PRUNE2: variants seen among roughly 807,000 people sequenced by gnomAD.
PRUNE2 encodes protein prune homolog 2.
In PRUNE2, 164 loss-of-function variants were observed where a neutral mutation model predicts 252.0. The ratio of observed to expected loss-of-function variants is 0.65; its 90% CI spans 0.57 to 0.74. The LOEUF is 0.74. PRUNE2 is among the 30% of genes least tolerant of loss of function. The pLI, the probability that PRUNE2 is intolerant of heterozygous loss-of-function variation, is 0.00. For synonymous variants in PRUNE2, 1,292 were observed against 1,350.2 expected, an observed-to-expected ratio of 0.96 and a Z score of 0.94; for missense variants, 3,495 against 3,711.0, an observed-to-expected ratio of 0.94 and a Z score of 1.51.
intron 6 of PRUNE2, among the ~76,000 whole-genome samples, chr9:76,724,868 T>C (rs1377912531): frequency 6.6e-6 from 1 of 152,178 alleles, no homozygotes; most frequent in Non-Finnish European, 1.5e-5. Context: ...CCTTTTTGTT[T>C]CTGTATGTTT....
chr9:76,754,437 C>A (rs17062967), intron 6 of PRUNE2, among the ~76,000 whole-genome samples: 5,976 of 152,272 alleles, frequency 0.039, 383 homozygotes, highest in African/African-American at 0.13. Flanking sequence ...ATCATCTATC[C>A]ATGAACGTCC....
At chr9:76,626,312 C>A (rs1472254061) in intron 16 of PRUNE2, among the ~76,000 whole-genome samples, 1 of 152,206 alleles carries the variant, frequency 6.6e-6, no homozygotes, top group African/African-American at 2.4e-5. Flanking sequence ...TGATGACAGG[C>A]TCCATCTCAG....
intron 9 of PRUNE2, among the ~76,000 whole-genome samples, chr9:76,670,481 G>A (rs780774186): frequency 0.21 from 31,191 of 150,864 alleles, 3,417 homozygotes; most frequent in Admixed American, 0.28. Flanking sequence ...GGGGAGGGGC[G>A]CCCACCATTG....
intron 4 of PRUNE2, among the ~76,000 whole-genome samples, chr9:76,837,446 A>ATAAT (rs1328116627): frequency 2.5e-3 from 161 of 64,322 alleles, no homozygotes; most frequent in African/African-American, 7.9e-3. Flanking sequence ...GTCTCAAATA[A>ATAAT]TAATAATAAT....
intron 6 of PRUNE2, among the ~76,000 whole-genome samples, chr9:76,745,811 A>G (rs1033937915): frequency 2.6e-5 from 4 of 152,208 alleles, no homozygotes; most frequent in African/African-American, 9.6e-5. Context: ...CAGTCACACT[A>G]TTGCTTCTGT....
chr9:76,727,639 C>G (rs1291559048), intron 6 of PRUNE2, among the ~76,000 whole-genome samples: 4 of 110,386 alleles, frequency 3.6e-5, no homozygotes, highest in Admixed American at 1.8e-4. Context: ...CTTTCTTCTT[C>G]TTCTTCTTTT....
intron 6 of PRUNE2, chr9:76,737,400 G>T (rs1396379897): frequency 6.6e-6 from 1 of 152,222 alleles, no homozygotes; most frequent in Non-Finnish European, 1.5e-5. Flanking sequence ...AGACACCGCT[G>T]CAGGGCAGCA....
intron 6 of PRUNE2, among the ~76,000 whole-genome samples, chr9:76,815,798 G>A (rs1286736160): frequency 6.6e-6 from 1 of 152,094 alleles, no homozygotes; most frequent in Non-Finnish European, 1.5e-5. Context: ...CTGACCAATA[G>A]GTAAAGCAGA....
intron 9 of PRUNE2, among the ~76,000 whole-genome samples, chr9:76,680,108 A>AT (rs2043257252): frequency 6.6e-6 from 1 of 152,224 alleles, no homozygotes; most frequent in Non-Finnish European, 1.5e-5. Context: ...CATATATCTG[A>AT]TAAGGGGTTA....
chr9:76,810,883 T>G (rs2057313001), intron 6 of PRUNE2, among the ~76,000 whole-genome samples: 1 of 152,242 alleles, frequency 6.6e-6, no homozygotes, highest in Admixed American at 6.5e-5. Flanking sequence ...AAGGGAACAA[T>G]TTTCCTCTAG....
chr9:76,704,008 T>A lies in PRUNE2; in HGVS notation c.7605A>T (p.Arg2535Ser), dbSNP rs764767163. Residue 2535 changes from arginine (R) to serine (S), a missense_variant, in exon 9 of 19, where the codon AGA becomes AGT. Arg to Ser is a moderately radical substitution (Grantham distance 110). Transcript: ENST00000376718. ...GACGATCTTCATTCTTCTCTGTACA[T>A]CTTTCTTCCTTGTATTCTGATTTTA... ...EQIKSEYKEE[R>S]CTEKNEDRHA... 2 of 1,613,698 alleles carry A rather than the reference T, an allele frequency of 1.2e-6. No individual in the cohort carries two copies. The highest frequency in any genetic ancestry group is 1.7e-5 in the Admixed American group (1 of 59,986).
chr9:76,895,776 T>TATTA (rs1564524513), intron 1 of PRUNE2, among the ~76,000 whole-genome samples: 1 of 151,926 alleles, frequency 6.6e-6, no homozygotes, highest in African/African-American at 2.4e-5. Context: ...TCTGCCTCTA[T>TATTA]TTTATTTATT....
chr9:76,654,610 G>T (rs1164158629), intron 10 of PRUNE2, among the ~76,000 whole-genome samples: 1 of 152,186 alleles, frequency 6.6e-6, no homozygotes, highest in Non-Finnish European at 1.5e-5. Context: ...AGCCACATGT[G>T]ACTAGCTGCT....
chr9:76,872,600 A>AACAC (rs71354690), intron 1 of PRUNE2, among the ~76,000 whole-genome samples: 13,919 of 139,134 alleles, frequency 0.1, 637 homozygotes, highest in East Asian at 0.13. Flanking sequence ...GATTATGGAA[A>AACAC]ACACACACAC....
At chr9:76,803,883 G>A (rs1047648355) in intron 6 of PRUNE2, among the ~76,000 whole-genome samples, 21 of 152,170 alleles carry the variant, frequency 1.4e-4, no homozygotes, top group African/African-American at 4.6e-4. Flanking sequence ...TGGGTCACCT[G>A]TGGATCTGTC....
chr9:76,780,012 G>A lies in PRUNE2; in HGVS notation c.756+43620C>T, dbSNP rs554964533. The A allele has an allele frequency of 2.6e-5, 4 of 152,244 alleles. No individual in the cohort carries two copies. In the South Asian group the frequency reaches 6.2e-4, roughly 24 times the overall value. 9.4% of individuals were successfully genotyped at this position (152,244 alleles called of 1,614,324 possible). ...ATTCTCGTAACTAGTAAAATCCATC[G>A]TCAGACAAGGACCCTTGATTTCATA... On this transcript the variant is annotated intron_variant, in intron 6 of 18. Coordinates refer to ENST00000376718, the MANE Select transcript of PRUNE2 (RefSeq NM_015225.3).
intron 6 of PRUNE2, 109 bp downstream of exon 6, chr9:76,823,523 G>A: frequency 1.5e-6 from 1 of 687,878 alleles, no homozygotes; most frequent in Non-Finnish European, 2.6e-6. Flanking sequence ...GTATCACAAA[G>A]AAGCAAAGGA....
At chr9:76,689,480 C>T (rs2044475601) in intron 9 of PRUNE2, among the ~76,000 whole-genome samples, 1 of 152,052 alleles carries the variant, frequency 6.6e-6, no homozygotes, top group Non-Finnish European at 1.5e-5. Context: ...CTCAGCCTCC[C>T]AAGCAGCTGG....
At chr9:76,729,361 G>A (rs2048373995) in intron 6 of PRUNE2, among the ~76,000 whole-genome samples, 2 of 152,202 alleles carry the variant, frequency 1.3e-5, no homozygotes, top group Admixed American at 6.5e-5. Context: ...TGATGCTGAT[G>A]TGGCTGGTCT....
Sources: allele counts gnomAD v4.1 joint callset (sites outside exome capture counted in the v4.1 genomes callset), GRCh38; gene constraint gnomAD v4.1.1; transcripts MANE v1.5; gene names NCBI Gene and HGNC (gene_info 2026-07-23, HGNC 2026-07-21).